The following PMF1 variants were observed in gnomAD, a reference collection of about 807,000 sequenced individuals.
The protein encoded by PMF1 is polyamine-modulated factor 1.
In PMF1, 21 loss-of-function variants were observed where a neutral mutation model predicts 26.7. The ratio of observed to expected loss-of-function variants is 0.79; its 90% CI spans 0.56 to 1.13. The LOEUF is 1.13. PMF1 is among the 50% of genes most tolerant of loss of function. PMF1 has a pLI of 0.00. For synonymous variants in PMF1, 105 were observed against 101.0 expected, an observed-to-expected ratio of 1.04 and a Z score of -0.24; for missense variants, 266 against 254.9, an observed-to-expected ratio of 1.04 and a Z score of -0.30.
chr1:156,236,529 C>G, intron 4 of PMF1, 46 bp downstream of exon 4: 2 of 1,539,958 alleles, frequency 1.3e-6, no homozygotes, highest in East Asian at 2.4e-5. Context: ...CTAATGGGCC[C>G]TCTGAGATCC....
intron 1 of PMF1, among the ~76,000 whole-genome samples, chr1:156,224,333 A>G (rs1658236467): frequency 6.6e-6 from 1 of 152,206 alleles, no homozygotes; most frequent in African/African-American, 2.4e-5. Flanking sequence ...GCAATCTGCA[A>G]TATTTTACGG....
chr1:156,232,511 C>G lies in PMF1; in HGVS notation c.267+86C>G, dbSNP rs114468684. On this transcript the variant is annotated intron_variant, in intron 2 of 4. Coordinates refer to ENST00000368277, the MANE Select transcript of PMF1 (RefSeq NM_007221.4). ...CCCCTGAGGGCAGTGGCCCCACCCT[C>G]TACACCTCTGTCTCCTCAGCCCCTA... 9.0e-3 allele frequency: 11,679 copies of G among 1,298,116 alleles called. 811 individuals carry two copies. The African/African-American group carries it at 0.15, about 17-fold the overall frequency. 80.4% of individuals were successfully genotyped at this position (1,298,116 alleles called of 1,614,324 possible). A position where few individuals can be genotyped will look rare whatever the true frequency, so the allele number is the denominator to read the frequency against.
intron 1 of PMF1, among the ~76,000 whole-genome samples, chr1:156,220,002 T>C (rs7529564): frequency 0.41 from 61,016 of 147,272 alleles, 13,986 homozygotes; most frequent in African/African-American, 0.63. Flanking sequence ...CTGGCTCTGT[T>C]GCCCAGGCTG....
At chr1:156,228,057 C>G (rs2103106251) in intron 1 of PMF1, among the ~76,000 whole-genome samples, 1 of 151,886 alleles carries the variant, frequency 6.6e-6, no homozygotes, top group East Asian at 1.9e-4. Flanking sequence ...GCCTCAGCCT[C>G]CGAAGTAGCT....
intron 1 of PMF1, among the ~76,000 whole-genome samples, chr1:156,231,126 A>T (rs1172771032): frequency 6.9e-6 from 1 of 145,150 alleles, no homozygotes; most frequent in Non-Finnish European, 1.5e-5. Flanking sequence ...CTGAGGCAGG[A>T]GAATGGTGTG....
chr1:156,233,483 T>G, intron 2 of PMF1, 145 bp from the exon 3 acceptor site: 1 of 729,812 alleles, frequency 1.4e-6, no homozygotes, highest in Non-Finnish European at 2.2e-6. Context: ...AAAAGCCACA[T>G]GTAGAAAAGT....
At chr1:156,213,974 C>T (rs919953255) in intron 1 of PMF1, among the ~76,000 whole-genome samples, 1 of 152,068 alleles carries the variant, frequency 6.6e-6, no homozygotes, top group African/African-American at 2.4e-5. Flanking sequence ...AGCAGTGGCG[C>T]GATCTTGGCT....
At chr1:156,230,316 G>A (rs771835877) in intron 1 of PMF1, among the ~76,000 whole-genome samples, 1 of 152,134 alleles carries the variant, frequency 6.6e-6, no homozygotes, top group South Asian at 2.1e-4. Context: ...GACCACACCC[G>A]CTCCCAATTT....
At chr1:156,237,478 A>G (rs1572508328) in intron 4 of PMF1, among the ~76,000 whole-genome samples, 1 of 120,294 alleles carries the variant, frequency 8.3e-6, no homozygotes, top group African/African-American at 3.1e-5. Context: ...ACAGAGTCTC[A>G]CTCTGTTGCC....
At position 156,218,824 on chromosome 1, in the gene PMF1, G is replaced by GT. The variant is rs921613138; in HGVS notation, c.161+5657dup. On this transcript the variant is annotated intron_variant, in intron 1 of 4. Transcript: ENST00000368277. ...CAAAAAAACAGATATTGCCTAATCCGTTTTTTTTTAATCCTAATTTTCATG... is the reference window on the plus strand; with the variant it reads ...CAAAAAAACAGATATTGCCTAATCCGTTTTTTTTTTAATCCTAATTTTCATG... Among the ~76,000 whole-genome samples, 162 of 150,622 alleles carry GT rather than the reference G, an allele frequency of 1.1e-3. 1 individual carries two copies. The highest frequency in any genetic ancestry group is 3.7e-3 in the African/African-American group (151 of 41,092).
chr1:156,230,735 A>G (rs943292949), intron 1 of PMF1, among the ~76,000 whole-genome samples: 1 of 152,128 alleles, frequency 6.6e-6, no homozygotes, highest in African/African-American at 2.4e-5. Flanking sequence ...ATCAGTGAGG[A>G]GCTCTCAGCT....
chr1:156,233,215 G>A (rs1005326940), intron 2 of PMF1, among the ~76,000 whole-genome samples: 1 of 151,826 alleles, frequency 6.6e-6, no homozygotes, highest in Non-Finnish European at 1.5e-5. Flanking sequence ...GTGCAGTGGC[G>A]CAATCTCGGT....
intron 3 of PMF1, among the ~76,000 whole-genome samples, chr1:156,234,216 C>A (rs1026590131): frequency 1.3e-5 from 2 of 152,170 alleles, no homozygotes; most frequent in African/African-American, 4.8e-5. Context: ...TGTTGTACCG[C>A]ATAGTTCCCT....
At chr1:156,234,131 G>A (rs1197789015) in intron 3 of PMF1, among the ~76,000 whole-genome samples, 1 of 152,166 alleles carries the variant, frequency 6.6e-6, no homozygotes, top group Non-Finnish European at 1.5e-5. Flanking sequence ...TGAGACTCTG[G>A]GCTTGTTGCC....
intron 4 of PMF1, 85 bp from the exon 5 acceptor site, chr1:156,239,463 C>T (rs1659225991): frequency 2.8e-6 from 3 of 1,090,630 alleles, no homozygotes; most frequent in Non-Finnish European, 4.2e-6. Flanking sequence ...GGGGGAAACC[C>T]CAGGCCTGGA....
At chr1:156,221,579 G>A (rs1469569953) in intron 1 of PMF1, among the ~76,000 whole-genome samples, 1 of 152,106 alleles carries the variant, frequency 6.6e-6, no homozygotes, top group Admixed American at 6.6e-5. Context: ...ACTCATCACG[G>A]TGCCTGGTAT....
At chr1:156,218,084 T>TGAC (rs1198196301) in intron 1 of PMF1, among the ~76,000 whole-genome samples, 2 of 152,240 alleles carry the variant, frequency 1.3e-5, no homozygotes, top group Non-Finnish European at 2.9e-5. Flanking sequence ...GTGAAAGCGG[T>TGAC]ATCTTGTTTT....
At chr1:156,227,365 G>A (rs1011681879) in intron 1 of PMF1, among the ~76,000 whole-genome samples, 17 of 151,926 alleles carry the variant, frequency 1.1e-4, no homozygotes, top group African/African-American at 3.6e-4. Flanking sequence ...TTAGCTGGGC[G>A]TGGTGGTAGG....
chr1:156,235,435 ATTTTTTTT>A (rs36002644), intron 3 of PMF1, among the ~76,000 whole-genome samples: 4 of 69,084 alleles, frequency 5.8e-5, no homozygotes, highest in Non-Finnish European at 1.1e-4. Flanking sequence ...TTGAAAAATA[ATTTTTTTT>A]TTTTTTTTTT....
Sources: allele counts gnomAD v4.1 joint callset (sites outside exome capture counted in the v4.1 genomes callset), GRCh38; gene constraint gnomAD v4.1.1; transcripts MANE v1.5; gene names NCBI Gene and HGNC (gene_info 2026-07-23, HGNC 2026-07-21).